PATJ: variants seen among roughly 807,000 people sequenced by gnomAD.
PATJ encodes the protein inaD-like protein.
Under a neutral mutation model 224.9 loss-of-function variants are expected in PATJ, and 190 were observed. That is an observed-to-expected ratio of 0.84 (90% CI 0.75 to 0.95). PATJ has a LOEUF of 0.95. Among genes scored for constraint, PATJ ranks in the 40% least tolerant of loss-of-function variants. The pLI is 0.00. For missense variants in PATJ, 2,121 were observed against 2,270.3 expected (o/e 0.93, Z 1.34); for synonymous variants, 769 against 820.3 (o/e 0.94, Z 1.07).
At chr1:62,157,239 G>A (rs1173333791) in intron 43 of PATJ, among the ~76,000 whole-genome samples, 2 of 151,662 alleles carry the variant, frequency 1.3e-5, no homozygotes, top group Admixed American at 6.6e-5. Context: ...TGGGAGAATC[G>A]CTTGAACCTG....
At chr1:62,158,699 C>G (rs146975267) in intron 43 of PATJ, among the ~76,000 whole-genome samples, 13 of 126,810 alleles carry the variant, frequency 1.0e-4, no homozygotes, top group African/African-American at 3.6e-4. Context: ...CCAGCCTGGG[C>G]GACAGAGCGA....
chr1:61,918,500 T>G (rs1302574784), intron 26 of PATJ, among the ~76,000 whole-genome samples: 1 of 151,822 alleles, frequency 6.6e-6, no homozygotes, highest in Non-Finnish European at 1.5e-5. Flanking sequence ...TTAGTAGAGA[T>G]GGGTCTTACC....
chr1:62,000,136 G>A (rs192660996), intron 28 of PATJ, among the ~76,000 whole-genome samples: 2,923 of 151,418 alleles, frequency 0.019, 113 homozygotes, highest in African/African-American at 0.068. Flanking sequence ...TGATCCTCCC[G>A]CCTCGGCCTC....
At chr1:61,895,488 G>A (rs1557837315) in intron 22 of PATJ, among the ~76,000 whole-genome samples, 1 of 152,226 alleles carries the variant, frequency 6.6e-6, no homozygotes, top group African/African-American at 2.4e-5. Context: ...GTGGCTAAAA[G>A]GCGCCAAGGT....
At chr1:62,062,956 GT>G (rs1480177286) in intron 31 of PATJ, among the ~76,000 whole-genome samples, 1 of 152,098 alleles carries the variant, frequency 6.6e-6, no homozygotes, top group Non-Finnish European at 1.5e-5. Context: ...TATTCTGTAG[GT>G]TGTCTGTTTA....
intron 31 of PATJ, among the ~76,000 whole-genome samples, chr1:62,072,087 G>A (rs1657520776): frequency 6.6e-6 from 1 of 151,924 alleles, no homozygotes; most frequent in South Asian, 2.1e-4. Context: ...AAAAAAATAG[G>A]ATATGATGGG....
chr1:61,904,754 T>G (rs1671639145), intron 24 of PATJ, among the ~76,000 whole-genome samples: 1 of 152,256 alleles, frequency 6.6e-6, no homozygotes, highest in African/African-American at 2.4e-5. Context: ...GCCTCTTCCC[T>G]TTCTCTCCCA....
chr1:62,055,254 C>T (rs1347743305), intron 31 of PATJ, among the ~76,000 whole-genome samples: 1 of 152,142 alleles, frequency 6.6e-6, no homozygotes, highest in Non-Finnish European at 1.5e-5. Context: ...CAGAAAGCCT[C>T]ATGATGTCCT....
chr1:62,137,238 C>A (rs935602713), intron 41 of PATJ, among the ~76,000 whole-genome samples: 1 of 150,920 alleles, frequency 6.6e-6, no homozygotes, highest in South Asian at 2.1e-4. Flanking sequence ...CAAGAGAGTA[C>A]ATGAAAATAA....
chr1:61,787,933 T>G lies in PATJ; in HGVS notation c.1029T>G (p.Pro343=), dbSNP rs1196730969. Residue 343 remains proline, a synonymous_variant, in exon 8 of 44, where the codon CCT becomes CCG. Coordinates refer to ENST00000642238, the MANE Select transcript of PATJ (RefSeq NM_001350145.3). The part of the protein sequence containing the change: ...SVTPPAPAAL[P]VALPTVASKG... Reference sequence around the variant, plus strand: ...CCCCCCCTGCCCCTGCAGCCTTACCTGTTGCCCTGCCTACTGTAGCCAGCA... The same window carrying G: ...CCCCCCCTGCCCCTGCAGCCTTACCGGTTGCCCTGCCTACTGTAGCCAGCA... 2 of 1,613,846 alleles carry G rather than the reference T, an allele frequency of 1.2e-6. No individual in the cohort carries two copies. The highest frequency in any genetic ancestry group is 3.3e-5 in the Admixed American group (2 of 60,010).
chr1:62,073,196 T>C, intron 31 of PATJ: 4 of 985,442 alleles, frequency 4.1e-6, no homozygotes, highest in Non-Finnish European at 3.6e-6. Context: ...TCAGATCTTT[T>C]ATTACTTGAC....
intron 28 of PATJ, among the ~76,000 whole-genome samples, chr1:62,003,801 A>G (rs1645934243): frequency 6.6e-6 from 1 of 152,108 alleles, no homozygotes; most frequent in Non-Finnish European, 1.5e-5. Flanking sequence ...AGTGGGAGCA[A>G]TGGTTTGGAA....
chr1:61,961,006 T>C (rs772884575), intron 27 of PATJ, among the ~76,000 whole-genome samples: 2 of 152,214 alleles, frequency 1.3e-5, no homozygotes, highest in Non-Finnish European at 1.5e-5. Context: ...GACAGGTTTA[T>C]GGTTCAGCTT....
chr1:61,993,337 G>A (rs887162746), intron 28 of PATJ, among the ~76,000 whole-genome samples: 1 of 152,166 alleles, frequency 6.6e-6, no homozygotes, highest in Non-Finnish European at 1.5e-5. Flanking sequence ...GAGTTTCCAT[G>A]CCCTGTCTGG....
intron 15 of PATJ, among the ~76,000 whole-genome samples, chr1:61,824,015 T>G (rs1286815): frequency 0.85 from 129,539 of 152,040 alleles, 56,172 homozygotes; most frequent in East Asian, 1. Flanking sequence ...GTATTAGGTT[T>G]CTTATTGCAG....
At chr1:61,832,163 G>A (rs1659450210) in intron 16 of PATJ, among the ~76,000 whole-genome samples, 1 of 152,090 alleles carries the variant, frequency 6.6e-6, no homozygotes, top group Non-Finnish European at 1.5e-5. Flanking sequence ...AATATACGCT[G>A]GGGCCTACTT....
chr1:61,892,315 CCTT>C (rs1422239302), intron 22 of PATJ, among the ~76,000 whole-genome samples: 1 of 152,150 alleles, frequency 6.6e-6, no homozygotes, highest in African/African-American at 2.4e-5. Context: ...GTTTACTTGA[CCTT>C]CATACTGCTT....
chr1:61,915,695 C>CT (rs1283007359), intron 26 of PATJ, among the ~76,000 whole-genome samples: 1,937 of 142,268 alleles, frequency 0.014, 34 homozygotes, highest in African/African-American at 0.042. Context: ...TCTTTTCTTT[C>CT]TTTTTTTTTT....
At chr1:61,744,284 CAAAAAAA>C (rs35247131) in intron 1 of PATJ, among the ~76,000 whole-genome samples, 1 of 69,680 alleles carries the variant, frequency 1.4e-5, no homozygotes, top group African/African-American at 5.7e-5. Flanking sequence ...AACCCTGTCT[CAAAAAAA>C]AAAAAAAAAA....
Sources: gnomAD v4.1 joint callset for allele counts (sites outside exome capture counted in the v4.1 genomes callset) on GRCh38, gnomAD v4.1.1 for gene constraint, MANE v1.5 for transcripts, NCBI Gene and HGNC (gene_info 2026-07-23, HGNC 2026-07-21) for gene names.